Variants in PPARGC1A observed in about 807,000 individuals in gnomAD.
PPARGC1A encodes peroxisome proliferator-activated receptor gamma coactivator 1-alpha.
PPARGC1A carries 25 observed loss-of-function variants against 88.7 expected under a neutral mutation model. That is an observed-to-expected ratio of 0.28 (90% CI 0.21 to 0.39). The LOEUF (loss-of-function observed/expected upper bound fraction) is 0.39, where lower values mean the gene tolerates loss of function less well. Among genes scored for constraint, PPARGC1A ranks in the 10% least tolerant of loss-of-function variants. PPARGC1A has a pLI of 1.00. For synonymous variants in PPARGC1A, 363 were observed against 355.6 expected (o/e 1.02, Z -0.24); for missense variants, 880 against 968.7 (o/e 0.91, Z 1.22).
chr4:24,225,567 A>AT, the PPARGC1A span, among the ~76,000 whole-genome samples: 1 of 151,218 alleles, frequency 6.6e-6, no homozygotes, highest in African/African-American at 2.4e-5. Flanking sequence ...ACAAAACAAA[A>AT]TAAAAAAAAA....
chr4:24,056,570 G>A, the PPARGC1A span, among the ~76,000 whole-genome samples: 1 of 152,150 alleles, frequency 6.6e-6, no homozygotes, highest in African/African-American at 2.4e-5. Flanking sequence ...CCAGCACATA[G>A]AATAGGGCCC....
the PPARGC1A span, among the ~76,000 whole-genome samples, chr4:24,114,900 ACATT>A: frequency 6.6e-6 from 1 of 150,766 alleles, no homozygotes; most frequent in Admixed American, 6.7e-5. Flanking sequence ...TGATGAGGCT[ACATT>A]TGCTGTGGAT....
chr4:24,177,020 G>A, the PPARGC1A span, among the ~76,000 whole-genome samples: 6 of 152,280 alleles, frequency 3.9e-5, 1 homozygote, highest in African/African-American at 1.4e-4. Context: ...CTGTTGGTGG[G>A]ACTGTAAACT....
intron 2 of PPARGC1A, among the ~76,000 whole-genome samples, chr4:23,862,759 A>C (rs1268009300): frequency 6.6e-6 from 1 of 152,258 alleles, no homozygotes; most frequent in East Asian, 1.9e-4. Context: ...GCGAATTATC[A>C]AACTCAAAGC....
chr4:23,869,596 A>T (rs1712830857), intron 2 of PPARGC1A, among the ~76,000 whole-genome samples: 1 of 142,782 alleles, frequency 7.0e-6, no homozygotes, highest in African/African-American at 2.6e-5. Flanking sequence ...GGCAAGTAGC[A>T]GATCTTAATG....
At chr4:23,899,805 G>C (rs1365408281), upstream of PPARGC1A, among the ~76,000 whole-genome samples, 1 of 152,162 alleles carries the variant, frequency 6.6e-6, no homozygotes, top group Non-Finnish European at 1.5e-5. Context: ...CAACCGGGAG[G>C]AAGGCTCCAG....
chr4:24,013,398 C>G, the PPARGC1A span, among the ~76,000 whole-genome samples: 17 of 152,190 alleles, frequency 1.1e-4, no homozygotes, highest in African/African-American at 3.6e-4. Flanking sequence ...AGTGCCCTCC[C>G]TATTTCCCTA....
intron 2 of PPARGC1A, among the ~76,000 whole-genome samples, chr4:23,846,269 A>T (rs1342186312): frequency 6.6e-6 from 1 of 152,220 alleles, no homozygotes; most frequent in Non-Finnish European, 1.5e-5. Context: ...CTGCGTGGTC[A>T]ACTCTTCCAA....
At chr4:24,001,313 T>G in the PPARGC1A span, among the ~76,000 whole-genome samples, 2 of 152,204 alleles carry the variant, frequency 1.3e-5, no homozygotes, top group Non-Finnish European at 2.9e-5. Flanking sequence ...GCACCTTTAT[T>G]TTTCCACGTT....
At chr4:23,813,235 T>C in intron 8 of PPARGC1A, 110 bp from the exon 9 acceptor site, 1 of 892,062 alleles carries the variant, frequency 1.1e-6, no homozygotes, top group South Asian at 1.5e-5. Context: ...ACTGGCTTTT[T>C]CTTCCCAGCT....
chr4:23,797,731 A>G (rs945276276), intron 12 of PPARGC1A, among the ~76,000 whole-genome samples: 2 of 152,172 alleles, frequency 1.3e-5, no homozygotes, highest in Non-Finnish European at 2.9e-5. Context: ...TTTTTGTTGC[A>G]TGAGATAGAA....
At chr4:23,830,862 T>C (rs1302631783) in intron 3 of PPARGC1A, among the ~76,000 whole-genome samples, 1 of 152,214 alleles carries the variant, frequency 6.6e-6, no homozygotes, top group African/African-American at 2.4e-5. Context: ...TCAGTCTTCA[T>C]TGTCTACCAT....
At chr4:23,995,960 C>G in the PPARGC1A span, among the ~76,000 whole-genome samples, 1 of 152,146 alleles carries the variant, frequency 6.6e-6, no homozygotes, top group Non-Finnish European at 1.5e-5. Flanking sequence ...CAAAGGACAC[C>G]TGACAGTAAG....
At chr4:23,853,322 A>G (rs1158049327) in intron 2 of PPARGC1A, among the ~76,000 whole-genome samples, 3 of 152,194 alleles carry the variant, frequency 2.0e-5, no homozygotes, top group Admixed American at 2.0e-4. Context: ...AGCATAAAAC[A>G]ACATTAACTT....
intron 7 of PPARGC1A, among the ~76,000 whole-genome samples, chr4:23,815,871 A>AGGAAAAAAATGCTACCTTGCT (rs1399249251): frequency 3.9e-5 from 6 of 152,308 alleles, no homozygotes; most frequent in African/African-American, 1.4e-4. Flanking sequence ...GCAAGTTGCA[A>AGGAAAAAAATGCTACCTTGCT]GGAAAAAAAT....
chr4:24,205,809 T>G, the PPARGC1A span, among the ~76,000 whole-genome samples: 1 of 152,352 alleles, frequency 6.6e-6, no homozygotes, highest in African/African-American at 2.4e-5. Context: ...AGGTTCATAT[T>G]GGAATGTCTG....
chr4:24,003,984 A>G, the PPARGC1A span, among the ~76,000 whole-genome samples: 1 of 152,250 alleles, frequency 6.6e-6, no homozygotes, highest in South Asian at 2.1e-4. Context: ...ATCTTCAAAA[A>G]TAATCATGCA....
the PPARGC1A span, among the ~76,000 whole-genome samples, chr4:24,135,299 T>C: frequency 6.6e-6 from 1 of 152,082 alleles, no homozygotes; most frequent in Non-Finnish European, 1.5e-5. Flanking sequence ...TAAAATGCTC[T>C]CCAAGATTTT....
chr4:23,796,758 G>A (rs1325117030), intron 12 of PPARGC1A, among the ~76,000 whole-genome samples: 2 of 151,916 alleles, frequency 1.3e-5, no homozygotes, highest in Non-Finnish European at 2.9e-5. Context: ...AGGGGGGCTT[G>A]GAAATATAAT....
Sources: gnomAD v4.1 joint callset for allele counts (sites outside exome capture counted in the v4.1 genomes callset) on GRCh38, gnomAD v4.1.1 for gene constraint, MANE v1.5 for transcripts, NCBI Gene and HGNC (gene_info 2026-07-23, HGNC 2026-07-21) for gene names.